The following MAN1A1 variants were observed in gnomAD, a reference collection of about 807,000 sequenced individuals.
MAN1A1 encodes the protein mannosidase alpha class 1A member 1, also known as mannosyl-oligosaccharide 1,2-alpha-mannosidase IA.
MAN1A1 carries 29 observed loss-of-function variants against 70.8 expected under a neutral mutation model. The observed-to-expected ratio is 0.41, with a 90% CI of 0.31 to 0.56. The LOEUF is 0.56. Among genes scored for constraint, MAN1A1 ranks in the 20% least tolerant of loss-of-function variants. MAN1A1 has a pLI of 0.29. For synonymous variants in MAN1A1, 349 were observed against 330.1 expected (o/e 1.06, Z -0.62); for missense variants, 747 against 841.3 (o/e 0.89, Z 1.39).
chr6:119,196,115 T>C (rs1215500330), intron 8 of MAN1A1, among the ~76,000 whole-genome samples: 1 of 152,114 alleles, frequency 6.6e-6, no homozygotes, highest in East Asian at 1.9e-4. Flanking sequence ...GTTAAAGCAA[T>C]GAGAGCTGAA....
chr6:119,289,385 G>A (rs1304822845), intron 5 of MAN1A1, among the ~76,000 whole-genome samples: 2 of 151,830 alleles, frequency 1.3e-5, no homozygotes, highest in Non-Finnish European at 2.9e-5. Context: ...TCTAAAAGCA[G>A]AAACCTGTTA....
At chr6:119,256,434 A>G (rs1387305704) in intron 5 of MAN1A1, among the ~76,000 whole-genome samples, 1 of 146,124 alleles carries the variant, frequency 6.8e-6, no homozygotes, top group Non-Finnish European at 1.5e-5. Flanking sequence ...TTTTCATGAG[A>G]GAGGACTCTC....
intron 11 of MAN1A1, among the ~76,000 whole-genome samples, chr6:119,181,708 T>A (rs543539613): frequency 6.6e-6 from 1 of 152,296 alleles, no homozygotes; most frequent in African/African-American, 2.4e-5. Context: ...TTTCTTTTGT[T>A]TGTTTCTATT....
chr6:119,204,728 T>G (rs755181156), intron 7 of MAN1A1, 31 bp downstream of exon 7: 11 of 1,612,520 alleles, frequency 6.8e-6, no homozygotes, highest in Non-Finnish European at 9.3e-6. Context: ...AAGTGTTGCT[T>G]TGCAGGCCAA....
chr6:119,201,291 A>G lies in MAN1A1; in HGVS notation c.1173T>C (p.Pro391=). The G allele has an allele frequency of 6.2e-7, 1 of 1,613,738 alleles. No individual in the cohort carries two copies. Among genetic ancestry groups the G allele is most frequent in the African/African-American group, 1.3e-5 (1 of 75,052 alleles). Residue 391 remains proline (P), a synonymous_variant, in exon 8 of 13, where the codon CCT becomes CCC. Coordinates refer to ENST00000368468, the MANE Select transcript of MAN1A1 (RefSeq NM_005907.4). ...GTCCACTACTGGGATTCAGATAGTTAGGATAAAGGCCTTGTGGTTTTTCCA... is the reference window on the plus strand; with the variant it reads ...GTCCACTACTGGGATTCAGATAGTTGGGATAAAGGCCTTGTGGTTTTTCCA... The part of the protein sequence containing the change: ...NKLEKPQGLY[P]NYLNPSSGQW...
intron 6 of MAN1A1, among the ~76,000 whole-genome samples, chr6:119,230,064 T>C (rs958383209): frequency 5.3e-5 from 8 of 152,142 alleles, no homozygotes; most frequent in Non-Finnish European, 1.2e-4. Flanking sequence ...AATGAAATCT[T>C]TACTGCTTGA....
chr6:119,293,817 T>G (rs1263049452), intron 4 of MAN1A1, among the ~76,000 whole-genome samples: 2 of 152,050 alleles, frequency 1.3e-5, no homozygotes, highest in African/African-American at 4.8e-5. Context: ...TTGGCTATCC[T>G]GCAGAAATCA....
chr6:119,266,732 T>A (rs187236851), intron 5 of MAN1A1, among the ~76,000 whole-genome samples: 3 of 151,968 alleles, frequency 2.0e-5, no homozygotes, highest in Admixed American at 2.0e-4. Flanking sequence ...AAAGAAAAAA[T>A]TTGACAAGCT....
At chr6:119,202,891 G>C (rs190441825) in intron 7 of MAN1A1, among the ~76,000 whole-genome samples, 52 of 152,318 alleles carry the variant, frequency 3.4e-4, no homozygotes, top group African/African-American at 1.3e-3. Context: ...TTCCCAGTGT[G>C]ATTGTATTTG....
chr6:119,244,151 C>G (rs1775095987), intron 6 of MAN1A1, among the ~76,000 whole-genome samples: 1 of 151,940 alleles, frequency 6.6e-6, no homozygotes, highest in Non-Finnish European at 1.5e-5. Flanking sequence ...CTTGAATTAC[C>G]TTTGCAAATA....
At chr6:119,288,988 A>C (rs966541981) in intron 5 of MAN1A1, among the ~76,000 whole-genome samples, 1 of 151,740 alleles carries the variant, frequency 6.6e-6, no homozygotes, top group South Asian at 2.1e-4. Flanking sequence ...ACTATACAGA[A>C]TTAAAAAATA....
intron 5 of MAN1A1, among the ~76,000 whole-genome samples, chr6:119,257,671 C>G (rs563647377): frequency 6.6e-6 from 1 of 152,200 alleles, no homozygotes; most frequent in South Asian, 2.1e-4. Context: ...ATAAAAGTTA[C>G]ATGTCCTTCT....
Position 119,178,282 on chromosome 6 carries a change from T to C in MAN1A1, c.*1537A>G, listed in dbSNP as rs761830767. 5 of 152,132 alleles carry C rather than the reference T, an allele frequency of 3.3e-5. No individual in the cohort carries two copies. Among genetic ancestry groups the C allele is most frequent in the Non-Finnish European group, 2.9e-5 (2 of 67,964 alleles). 9.4% of individuals were successfully genotyped at this position (152,132 alleles called of 1,614,324 possible). ...AAGAAAATAATTGTCTTCAATAATA[T>C]TAGGTGGAACCATATGAAACTGCTG... On this transcript the variant is annotated 3_prime_UTR_variant, in exon 13 of 13. Transcript: ENST00000368468.
intron 2 of MAN1A1, among the ~76,000 whole-genome samples, chr6:119,315,922 A>AC (rs1311046668): frequency 2.0e-5 from 3 of 152,128 alleles, no homozygotes; most frequent in Admixed American, 6.5e-5. Context: ...TAAAGGTTTA[A>AC]CCTCAGGGTT....
chr6:119,304,565 T>C (rs953503415), intron 3 of MAN1A1, among the ~76,000 whole-genome samples: 6 of 152,198 alleles, frequency 3.9e-5, no homozygotes, highest in Non-Finnish European at 8.8e-5. Flanking sequence ...TAAGATGGAA[T>C]TGGGAGATCA....
intron 9 of MAN1A1, 51 bp from the exon 10 acceptor site, chr6:119,189,934 T>C: frequency 7.3e-7 from 1 of 1,364,424 alleles, no homozygotes. Context: ...CTCAAATTTA[T>C]ACTAAAAATA....
chr6:119,308,741 A>AG lies in MAN1A1; in HGVS notation c.604-1750_604-1749insC, dbSNP rs200245275. 5.9e-3 allele frequency among the ~76,000 whole-genome samples: 893 copies of AG among 152,218 alleles called. 30 individuals are homozygous for AG. In the East Asian group the frequency reaches 0.09, roughly 15 times the overall value. On this transcript the variant is annotated intron_variant, in intron 2 of 12. Transcript: ENST00000368468. Reference sequence around the variant, plus strand: ...ACAGAACACCTAGAGATTATATTTGATTTTATTTGGTTTTTCCATTAAATG... The same window carrying AG: ...ACAGAACACCTAGAGATTATATTTGAGTTTTATTTGGTTTTTCCATTAAATG...
At chr6:119,187,679 C>T (rs1203581075) in intron 11 of MAN1A1, among the ~76,000 whole-genome samples, 1 of 152,156 alleles carries the variant, frequency 6.6e-6, no homozygotes, top group Admixed American at 6.5e-5. Flanking sequence ...AAAGAATTTG[C>T]TTGTTCTTAT....
At chr6:119,258,429 T>A (rs1775517621) in intron 5 of MAN1A1, among the ~76,000 whole-genome samples, 1 of 152,166 alleles carries the variant, frequency 6.6e-6, no homozygotes. Context: ...CTACACAGTA[T>A]AACAACTATT....
Sources: allele counts gnomAD v4.1 joint callset (sites outside exome capture counted in the v4.1 genomes callset), GRCh38; gene constraint gnomAD v4.1.1; transcripts MANE v1.5; gene names NCBI Gene and HGNC (gene_info 2026-07-23, HGNC 2026-07-21).